Variants in CORIN observed in about 807,000 individuals in gnomAD.
The protein encoded by CORIN is atrial natriuretic peptide-converting enzyme.
A neutral mutation model predicts 125.3 loss-of-function variants in CORIN; 117 were observed. That is an observed-to-expected ratio of 0.93 (90% confidence interval 0.80 to 1.09). The LOEUF is 1.09. Among genes scored for constraint, CORIN ranks in the 50% least tolerant of loss-of-function variants. The pLI is 0.00. For missense variants in CORIN, 1,253 were observed against 1,306.7 expected (o/e 0.96, Z 0.63); for synonymous variants, 450 against 466.4 (o/e 0.96, Z 0.45).
intron 19 of CORIN, among the ~76,000 whole-genome samples, chr4:47,619,000 G>A (rs545329763): frequency 6.6e-6 from 1 of 152,106 alleles, no homozygotes; most frequent in African/African-American, 2.4e-5. Flanking sequence ...TGGGAGGACA[G>A]TTTTTCACGT....
chr4:47,665,308 A>G (rs776319120), intron 10 of CORIN, 45 bp from the exon 11 acceptor site: 2 of 1,413,154 alleles, frequency 1.4e-6, no homozygotes, highest in Admixed American at 3.8e-5. Flanking sequence ...TTTCACATAT[A>G]AAAACAACTT....
intron 3 of CORIN, among the ~76,000 whole-genome samples, chr4:47,775,799 C>T (rs983058706): frequency 1.3e-5 from 2 of 152,090 alleles, no homozygotes; most frequent in Non-Finnish European, 2.9e-5. Flanking sequence ...ATATGACTGG[C>T]CAGTACCCAA....
chr4:47,643,002 G>C, intron 15 of CORIN, 144 bp downstream of exon 15: 1 of 1,539,618 alleles, frequency 6.5e-7, no homozygotes. Flanking sequence ...AACACACATA[G>C]ATCAGCACTA....
intron 6 of CORIN, among the ~76,000 whole-genome samples, chr4:47,692,234 TA>T (rs754684384): frequency 2.6e-5 from 4 of 152,258 alleles, no homozygotes; most frequent in Non-Finnish European, 5.9e-5. Context: ...TGTAGTGTTC[TA>T]ATTGGAGATA....
At chr4:47,757,064 G>A (rs1025363494) in intron 4 of CORIN, among the ~76,000 whole-genome samples, 4 of 152,032 alleles carry the variant, frequency 2.6e-5, no homozygotes, top group African/African-American at 7.3e-5. Flanking sequence ...TTGTCTCTAG[G>A]ATGAAATACA....
chr4:47,767,113 A>G (rs2109878485), intron 3 of CORIN, among the ~76,000 whole-genome samples: 1 of 152,252 alleles, frequency 6.6e-6, no homozygotes, highest in East Asian at 1.9e-4. Context: ...GAAGATAAAT[A>G]TTTTTAGCAA....
chr4:47,608,668 G>A (rs951743476), intron 19 of CORIN, among the ~76,000 whole-genome samples: 23 of 152,102 alleles, frequency 1.5e-4, no homozygotes, highest in East Asian at 1.2e-3. Context: ...AATAATAAAT[G>A]TACTTCATAG....
intron 2 of CORIN, among the ~76,000 whole-genome samples, chr4:47,791,770 AT>A (rs906453203): frequency 1.3e-5 from 2 of 152,142 alleles, no homozygotes; most frequent in Admixed American, 6.5e-5. Context: ...TTTAAAATTA[AT>A]TTCTTAGCTT....
rs199894638 is a variant in CORIN at position 47,603,559 on chromosome 4, A to T, written c.2650T>A (p.Tyr884Asn). Reference sequence around the variant, plus strand: ...TCATAGTCCACCACTGCTCGACTGTAGCGGGGATGCAGGATGATGGTCTTC... The same window carrying T: ...TCATAGTCCACCACTGCTCGACTGTTGCGGGGATGCAGGATGATGGTCTTC... ...FVKTIILHPR[Y>N]SRAVVDYDIS... Residue 884 changes from tyrosine (Y) to asparagine (N), a missense_variant, in exon 20 of 22, where the codon TAC becomes AAC. By Grantham distance (143) the Tyr-to-Asn change is moderately radical. Coordinates refer to ENST00000273857, the MANE Select transcript of CORIN (RefSeq NM_006587.4). 98 of 1,614,064 alleles carry T rather than the reference A, an allele frequency of 6.1e-5. No homozygotes were observed. Among genetic ancestry groups the T allele is most frequent in the Non-Finnish European group, 8.1e-5 (95 of 1,180,048 alleles).
At chr4:47,812,210 A>G (rs1326294721) in intron 1 of CORIN, among the ~76,000 whole-genome samples, 1 of 152,142 alleles carries the variant, frequency 6.6e-6, no homozygotes, top group Non-Finnish European at 1.5e-5. Flanking sequence ...TCAACACTAT[A>G]TATGTGGCTG....
At chr4:47,805,072 C>T (rs1731717236) in intron 2 of CORIN, among the ~76,000 whole-genome samples, 2 of 147,770 alleles carry the variant, frequency 1.4e-5, no homozygotes, top group Non-Finnish European at 3.0e-5. Context: ...GGAGGCAGAG[C>T]TTGCAGTGAG....
chr4:47,632,220 C>T (rs575377749), intron 16 of CORIN: 1 of 152,292 alleles, frequency 6.6e-6, no homozygotes, highest in South Asian at 2.1e-4. Context: ...ATGTAACACA[C>T]TTCAGTTGAA....
chr4:47,767,047 A>G (rs369895187), intron 3 of CORIN, among the ~76,000 whole-genome samples: 2 of 152,110 alleles, frequency 1.3e-5, no homozygotes, highest in African/African-American at 2.4e-5. Context: ...AGAATAGTAA[A>G]GGGGAAAAAG....
At position 47,636,150 on chromosome 4, in the gene CORIN, C is replaced by A. The variant is rs183211146; in HGVS notation, c.2198+5770G>T. On this transcript the variant is annotated intron_variant, in intron 16 of 21. Coordinates refer to ENST00000273857, the MANE Select transcript of CORIN (RefSeq NM_006587.4). ...ATATTCTTTGAAAACAATGTTTGAC[C>A]AACTTCTATTGACCAACACTAAAAG... is the stretch of plus-strand genomic sequence containing the variant. Among the ~76,000 whole-genome samples the A allele has an allele frequency of 6.4e-3, 975 of 152,180 alleles. 6 individuals are homozygous for A. The highest frequency in any genetic ancestry group is 0.017 in the South Asian group (81 of 4,818).
At chr4:47,614,532 A>G (rs1470261679) in intron 19 of CORIN, among the ~76,000 whole-genome samples, 1 of 152,244 alleles carries the variant, frequency 6.6e-6, no homozygotes, top group East Asian at 1.9e-4. Flanking sequence ...AAGGAGAATA[A>G]TCTTCAGACA....
chr4:47,707,264 TAAAAG>T (rs1350491429), intron 5 of CORIN, among the ~76,000 whole-genome samples: 1 of 152,208 alleles, frequency 6.6e-6, no homozygotes, highest in East Asian at 1.9e-4. Context: ...AATAAATTCT[TAAAAG>T]AAGAGAAAAA....
intron 1 of CORIN, among the ~76,000 whole-genome samples, chr4:47,816,691 G>A (rs1732282528): frequency 6.6e-6 from 1 of 152,130 alleles, no homozygotes; most frequent in African/African-American, 2.4e-5. Context: ...ATGTCTGTTG[G>A]TTGAAGGAGG....
chr4:47,603,470 C>G lies in CORIN; in HGVS notation c.2739G>C (p.Leu913Phe), dbSNP rs911691497. ...SETGYVRPVCLPNPEQWLEPD... is the reference protein window; with the variant it reads ...SETGYVRPVCFPNPEQWLEPD... ...GCTCTAGCCACTGCTCCGGGTTGGG[C>G]AAGCAGACAGGCCGGACGTAGCCAG... is the stretch of plus-strand genomic sequence containing the variant. Residue 913 changes from leucine to phenylalanine, a missense_variant, in exon 20 of 22, where the codon TTG (leucine) becomes TTC (phenylalanine). Leu to Phe is a conservative substitution (Grantham distance 22, BLOSUM62 0). Transcript: ENST00000273857. The G allele has an allele frequency of 1.2e-6, 2 of 1,614,052 alleles. No individual in the cohort carries two copies. Among genetic ancestry groups the G allele is most frequent in the Non-Finnish European group, 1.7e-6 (2 of 1,180,040 alleles).
intron 16 of CORIN, 76 bp from the exon 17 acceptor site, chr4:47,626,597 C>A: frequency 1.1e-6 from 1 of 898,402 alleles, no homozygotes; most frequent in South Asian, 1.3e-5. Context: ...ATTTAGCACT[C>A]ATTCCCTTTC....
Sources: allele counts gnomAD v4.1 joint callset (sites outside exome capture counted in the v4.1 genomes callset), GRCh38; gene constraint gnomAD v4.1.1; transcripts MANE v1.5; gene names NCBI Gene and HGNC (gene_info 2026-07-23, HGNC 2026-07-21).